Variants in DMXL2 observed in about 807,000 individuals in gnomAD.
DMXL2 encodes the protein Dmx like 2, also known as dmX-like protein 2.
DMXL2 carries 103 observed loss-of-function variants against 331.1 expected under a neutral mutation model. That is an observed-to-expected ratio of 0.31 (90% confidence interval 0.27 to 0.37). The LOEUF is 0.37. Ranked by LOEUF, DMXL2 falls within the 10% of genes least tolerant of loss-of-function variation. The pLI, the probability that DMXL2 is intolerant of heterozygous loss-of-function variation, is 1.00. For synonymous variants in DMXL2, 1,281 were observed against 1,252.1 expected (o/e 1.02, Z -0.49); for missense variants, 3,171 against 3,642.9 (o/e 0.87, Z 3.33).
intron 4 of DMXL2, 83 bp from the exon 5 acceptor site, chr15:51,564,343 A>C: frequency 9.2e-7 from 1 of 1,082,984 alleles, no homozygotes; most frequent in South Asian, 2.1e-5. Flanking sequence ...TAGATCTGTA[A>C]ACTATTAATA....
chr15:51,587,206 T>G (rs571063085), intron 1 of DMXL2, among the ~76,000 whole-genome samples: 2 of 152,308 alleles, frequency 1.3e-5, no homozygotes, highest in East Asian at 1.9e-4. Flanking sequence ...TTAGGGTACA[T>G]GTGCACAACG....
Position 51,466,925 on chromosome 15 carries a change from A to C in DMXL2, c.7393-614T>G, listed in dbSNP as rs145286960. 4.1e-4 allele frequency among the ~76,000 whole-genome samples: 63 copies of C among 152,094 alleles called. 1 individual carries two copies. Among genetic ancestry groups the C allele is most frequent in the African/African-American group, 1.4e-3 (57 of 41,548 alleles). ...TCCCATTTTTTTTAGTGGATATTAA[A>C]CTAAGTAAGAAAAATGTAGTCTAGA... On this transcript the variant is annotated intron_variant, in intron 29 of 43. Transcript: ENST00000560891.
intron 32 of DMXL2, 125 bp from the exon 33 acceptor site, chr15:51,463,621 A>G: frequency 1.7e-6 from 1 of 589,286 alleles, no homozygotes; most frequent in South Asian, 2.8e-5. Flanking sequence ...AACCTTCATA[A>G]TCTATTGCAA....
chr15:51,563,282 C>T, intron 6 of DMXL2, 99 bp downstream of exon 6: 1 of 990,492 alleles, frequency 1.0e-6, no homozygotes, highest in Non-Finnish European at 1.5e-6. Flanking sequence ...GGAGGATTAT[C>T]CCAGTTTTAC....
In DMXL2 at chr15:51,561,299, T is replaced by C. The variant is rs150408726; in HGVS notation, c.567+2082A>G. On this transcript the variant is annotated intron_variant, in intron 6 of 43. Transcript: ENST00000560891. ...ATGTCGTAGCGTTAGTTGGATAGTG[T>C]GCTTTGGCTTTGATTCTGGGTGAGT... Among the ~76,000 whole-genome samples the C allele has an allele frequency of 2.6e-4, 40 of 152,370 alleles. No homozygotes were observed. The East Asian group carries it at 6.9e-3, about 26-fold the overall frequency.
chr15:51,598,032 T>A (rs773615911), intron 1 of DMXL2, among the ~76,000 whole-genome samples: 11 of 152,228 alleles, frequency 7.2e-5, no homozygotes, highest in Non-Finnish European at 1.5e-4. Flanking sequence ...CTTTGTCAAA[T>A]ATAGATGTTG....
intron 13 of DMXL2, among the ~76,000 whole-genome samples, chr15:51,520,810 T>G (rs959262320): frequency 3.3e-5 from 5 of 152,088 alleles, no homozygotes; most frequent in African/African-American, 1.2e-4. Context: ...TGAGCTGAGA[T>G]CGCGCCACTG....
rs568344143 is a variant in DMXL2, at chr15:51,587,308, T to A, written c.88-11127A>T. On this transcript the variant is annotated intron_variant, in intron 1 of 43. Coordinates refer to ENST00000560891, the MANE Select transcript of DMXL2 (RefSeq NM_001378457.1). ...GCATTAGGTATATCTCCTAATGCTA[T>A]CCCTCCCCCGTCCCCCCACCCCACA... Among the ~76,000 whole-genome samples the A allele has an allele frequency of 2.2e-4, 33 of 152,200 alleles. No individual in the cohort carries two copies. The East Asian group carries it at 6.2e-3, about 29-fold the overall frequency.
At chr15:51,487,328 G>A (rs1467545528) in intron 22 of DMXL2, among the ~76,000 whole-genome samples, 1 of 152,164 alleles carries the variant, frequency 6.6e-6, no homozygotes, top group Non-Finnish European at 1.5e-5. Flanking sequence ...TAAGGAGGTT[G>A]TGACCTATGT....
intron 18 of DMXL2, among the ~76,000 whole-genome samples, chr15:51,498,123 C>A (rs1012126942): frequency 1.3e-5 from 2 of 151,988 alleles, no homozygotes; most frequent in Non-Finnish European, 2.9e-5. Flanking sequence ...ACCTGTGGTC[C>A]CGGCTATTCA....
chr15:51,529,450 G>A (rs1186423745), intron 13 of DMXL2, among the ~76,000 whole-genome samples: 1 of 151,938 alleles, frequency 6.6e-6, no homozygotes, highest in Admixed American at 6.5e-5. Context: ...GAAATTGAAA[G>A]GATCAACAGT....
chr15:51,543,233 T>G (rs935922165), intron 8 of DMXL2, among the ~76,000 whole-genome samples: 1 of 152,218 alleles, frequency 6.6e-6, no homozygotes, highest in Non-Finnish European at 1.5e-5. Flanking sequence ...TTCCTTATTC[T>G]GTAACTTAAC....
chr15:51,621,176 A>C (rs1161489171), intron 1 of DMXL2, among the ~76,000 whole-genome samples: 1 of 152,236 alleles, frequency 6.6e-6, no homozygotes, highest in Non-Finnish European at 1.5e-5. Flanking sequence ...CATAAAACAC[A>C]GATGACAAAA....
At position 51,622,613 on chromosome 15, in the gene DMXL2, C is replaced by A; in HGVS notation, c.-68G>T. On this transcript the variant is annotated 5_prime_UTR_variant, in exon 1 of 44. Transcript: ENST00000560891. ...AGCTCCGCGCCTGACCCTCCTCGGG[C>A]TGCGAGAGCCGTTTCCCTCTGTGCC... is the stretch of plus-strand genomic sequence containing the variant. 6.7e-7 allele frequency: 1 copy of A among 1,497,930 alleles called. No homozygotes were observed. The highest frequency in any genetic ancestry group is 8.9e-7 in the Non-Finnish European group (1 of 1,118,308). The allele number at this position is 1,497,930 out of a possible 1,614,324, so 92.8% of individuals were successfully genotyped here.
At chr15:51,477,045 A>G (rs1284112404) in intron 26 of DMXL2, among the ~76,000 whole-genome samples, 1 of 152,050 alleles carries the variant, frequency 6.6e-6, no homozygotes, top group African/African-American at 2.4e-5. Context: ...TGAGGTAAGG[A>G]GACTACTGCT....
Position 51,491,608 on chromosome 15 carries a change from G to A in DMXL2, c.4923C>T (p.Asn1641=). The A allele has an allele frequency of 6.2e-7, 1 of 1,609,594 alleles. No homozygotes were observed. Among genetic ancestry groups the A allele is most frequent in the Non-Finnish European group, 8.5e-7 (1 of 1,178,814 alleles). The change falls in exon 20 of 44, where the codon AAC becomes AAT. Residue 1641 remains asparagine, a synonymous_variant. Coordinates refer to ENST00000560891, the MANE Select transcript of DMXL2 (RefSeq NM_001378457.1). ...CAATGCATCTTCGAAGCGTGTTAAT[G>A]TTCCTCACCCACCATCCTATGCCCA... ...RAMGIGWWVR[N]INTLRRCIEK... is the part of the protein sequence containing the mutation.
At position 51,457,438 on chromosome 15, in the gene DMXL2, T is replaced by G; in HGVS notation, c.8227A>C (p.Thr2743Pro). The change falls in exon 37 of 44, where the codon ACT (threonine) becomes CCT (proline). Residue 2743 changes from threonine (T) to proline (P), a missense_variant. Thr to Pro is a conservative substitution (Grantham distance 38). Transcript: ENST00000560891. ...SSDDVDYRGS[T>P]TTLYQPSATS... ...GCACTGGGTTGATAAAGAGTTGTAG[T>G]GGAACCACGATAATCAACATCATCT... The G allele has an allele frequency of 6.2e-7, 1 of 1,614,226 alleles. No homozygotes were observed. The highest frequency in any genetic ancestry group is 8.5e-7 in the Non-Finnish European group (1 of 1,180,028).
At chr15:51,535,825 G>A (rs747990213) in intron 12 of DMXL2, 41 bp from the exon 13 acceptor site, 3 of 1,560,330 alleles carry the variant, frequency 1.9e-6, no homozygotes, top group Non-Finnish European at 2.6e-6. Flanking sequence ...TAAACATGTA[G>A]TGTATTTTTC....
At chr15:51,587,042 A>G (rs1230860805) in intron 1 of DMXL2, among the ~76,000 whole-genome samples, 1 of 152,172 alleles carries the variant, frequency 6.6e-6, no homozygotes, top group East Asian at 1.9e-4. Context: ...AACATATACA[A>G]AAACCTACAG....
Sources: gnomAD v4.1 joint callset for allele counts (sites outside exome capture counted in the v4.1 genomes callset) on GRCh38, gnomAD v4.1.1 for gene constraint, MANE v1.5 for transcripts, NCBI Gene and HGNC (gene_info 2026-07-23, HGNC 2026-07-21) for gene names.